The following GON4L variants were observed in gnomAD, a reference collection of about 807,000 sequenced individuals.
The protein encoded by GON4L is GON-4-like protein.
In GON4L, 87 loss-of-function variants were observed where a neutral mutation model predicts 211.8. The ratio of observed to expected loss-of-function variants is 0.41; its 90% CI spans 0.35 to 0.49. The LOEUF (loss-of-function observed/expected upper bound fraction) is 0.49. Ranked by LOEUF, GON4L falls within the 20% of genes least tolerant of loss-of-function variation. GON4L has a pLI of 0.15. For missense variants in GON4L, 2,155 were observed against 2,659.5 expected, an observed-to-expected ratio of 0.81 and a Z score of 4.17; for synonymous variants, 875 against 962.6, an observed-to-expected ratio of 0.91 and a Z score of 1.68.
At chr1:155,820,817 C>T (rs1486569723) in intron 5 of GON4L, among the ~76,000 whole-genome samples, 161 bp from the exon 6 acceptor site, 1 of 151,952 alleles carries the variant, frequency 6.6e-6, no homozygotes, top group African/African-American at 2.4e-5. Flanking sequence ...ACCCTCCCTA[C>T]AAAAAAATTG....
intron 3 of GON4L, among the ~76,000 whole-genome samples, chr1:155,826,322 T>C (rs1669213599): frequency 6.6e-6 from 1 of 152,110 alleles, no homozygotes; most frequent in Non-Finnish European, 1.5e-5. Flanking sequence ...CCCAGCACTT[T>C]GTGAAGCCAA....
At chr1:155,770,982 T>C in intron 19 of GON4L, 85 bp downstream of exon 19, 1 of 1,563,608 alleles carries the variant, frequency 6.4e-7, no homozygotes, top group Non-Finnish European at 8.8e-7. Context: ...TAAAAGAAGG[T>C]TCCTCTTTTC....
intron 2 of GON4L, among the ~76,000 whole-genome samples, chr1:155,839,153 A>C (rs1195316170): frequency 1.3e-5 from 2 of 152,210 alleles, no homozygotes; most frequent in Non-Finnish European, 2.9e-5. Flanking sequence ...GGTTATTTAT[A>C]TAACCAGGTA....
In GON4L at chr1:155,766,674, G is replaced by A. The variant is rs1662527903; in HGVS notation, c.2799C>T (p.His933=). ...SLPSIQEELR[H]MADGAREVGN... ...CTACCTCTCTAGCACCATCAGCCAT[G>A]TGCCGCAGTTCTTCCTGGATGGATG... Residue 933 remains histidine (H), a synonymous_variant, in exon 21 of 32, where the codon CAC becomes CAT. Transcript: ENST00000368331. 5 of 1,614,198 alleles carry A rather than the reference G, an allele frequency of 3.1e-6. No homozygotes were observed. In the African/African-American group the frequency reaches 4.0e-5, roughly 13 times the overall value.
rs772813109 is a variant in GON4L at position 155,815,802 on chromosome 1, G to T, written c.1161+3C>A. On this transcript the variant is annotated splice_donor_region_variant and intron_variant, in intron 8 of 31. Coordinates refer to ENST00000368331, the MANE Select transcript of GON4L (RefSeq NM_001282860.2). ...CAAATATTACCAACTAACATTCACT[G>T]ACCTCTTCAGCAGTTTCATCTTCTT... The T allele has an allele frequency of 1.6e-5, 24 of 1,531,132 alleles. No homozygotes were observed. The highest frequency in any genetic ancestry group is 2.0e-5 in the Non-Finnish European group (22 of 1,104,670). 94.8% of individuals were successfully genotyped at this position (1,531,132 alleles called of 1,614,324 possible).
intron 20 of GON4L, chr1:155,767,108 C>G (rs956225555): frequency 1.6e-6 from 1 of 643,350 alleles, no homozygotes; most frequent in Non-Finnish European, 2.6e-6. Context: ...GTTTTAGAGA[C>G]CTTAGACAGT....
In GON4L at chr1:155,757,442, ACT is replaced by A. The variant is rs1023539755; in HGVS notation, c.5254-121_5254-120del. ...CCAGTCAACTGGGAAACACACAGAG[ACT>A]CTGCCTGGTAACAAAGAATACTAAA... On this transcript the variant is annotated intron_variant, in intron 25 of 31. Coordinates refer to ENST00000368331, the MANE Select transcript of GON4L (RefSeq NM_001282860.2). 5 of 862,568 alleles carry A rather than the reference ACT, an allele frequency of 5.8e-6. No individual in the cohort carries two copies. In the African/African-American group the frequency reaches 8.4e-5, roughly 15 times the overall value. The allele number at this position is 862,568 out of a possible 1,614,324, so 53.4% of individuals were successfully genotyped here.
chr1:155,746,953 T>C, downstream of GON4L: 2 of 1,602,290 alleles, frequency 1.2e-6, no homozygotes, highest in South Asian at 2.2e-5. Flanking sequence ...GGGATTTTAA[T>C]CATTTTAAAT....
intron 13 of GON4L, 145 bp from the exon 14 acceptor site, chr1:155,784,234 C>A: frequency 8.8e-7 from 1 of 1,139,830 alleles, no homozygotes; most frequent in South Asian, 1.4e-5. Context: ...AACTTTCTCA[C>A]TTCAGGATTC....
intron 2 of GON4L, among the ~76,000 whole-genome samples, chr1:155,843,990 G>C (rs1255539716): frequency 6.6e-6 from 1 of 152,170 alleles, no homozygotes; most frequent in African/African-American, 2.4e-5. Context: ...TCAAAAACTT[G>C]AAACACCAGT....
chr1:155,807,284 C>T (rs961205157), intron 10 of GON4L, among the ~76,000 whole-genome samples: 1 of 152,030 alleles, frequency 6.6e-6, no homozygotes, highest in Non-Finnish European at 1.5e-5. Context: ...CCTGTAGTTC[C>T]AGCTATGCAA....
chr1:155,802,182 A>C (rs1666730099), intron 11 of GON4L, among the ~76,000 whole-genome samples: 1 of 152,160 alleles, frequency 6.6e-6, no homozygotes, highest in Non-Finnish European at 1.5e-5. Flanking sequence ...CCAAACTTGA[A>C]CCTTGGTGTC....
chr1:155,808,924 A>T (rs1035054744), intron 10 of GON4L, among the ~76,000 whole-genome samples: 4 of 151,604 alleles, frequency 2.6e-5, no homozygotes, highest in Non-Finnish European at 4.4e-5. Flanking sequence ...GTTTTTTAAA[A>T]TTTTTTTTAA....
At chr1:155,788,120 T>C (rs1045956134) in intron 12 of GON4L, among the ~76,000 whole-genome samples, 2 of 152,140 alleles carry the variant, frequency 1.3e-5, no homozygotes, top group South Asian at 2.1e-4. Flanking sequence ...GCCTCATAAG[T>C]AGCTGGGACT....
At chr1:155,851,800 C>G (rs1189510288) in intron 2 of GON4L, among the ~76,000 whole-genome samples, 5 of 152,186 alleles carry the variant, frequency 3.3e-5, no homozygotes, top group African/African-American at 1.2e-4. Context: ...TATCACCTAC[C>G]TACAGGAAAA....
At position 155,765,630 on chromosome 1, in the gene GON4L, T is replaced by A. The variant is rs1662375828; in HGVS notation, c.3843A>T (p.Gly1281=). The change falls in exon 21 of 32, where the codon GGA becomes GGT. Residue 1281 remains glycine (G), a synonymous_variant. Coordinates refer to ENST00000368331, the MANE Select transcript of GON4L (RefSeq NM_001282860.2). ...AGCGACAGGCACTATTCTCTGACAA[T>A]CCTTCTTGGCACTCTGCATCTGCTA... ...PPLADAECQE[G]LSENSACRWT... is the part of the protein sequence containing the mutation. The A allele has an allele frequency of 2.5e-6, 4 of 1,614,052 alleles. No individual in the cohort carries two copies. Among genetic ancestry groups the A allele is most frequent in the African/African-American group, 1.3e-5 (1 of 74,918 alleles).
chr1:155,773,504 T>C (rs1327361878), intron 17 of GON4L: 3 of 389,494 alleles, frequency 7.7e-6, no homozygotes, highest in East Asian at 5.7e-5. Flanking sequence ...GTGCTAACAA[T>C]AGCGTATGCT....
Position 155,765,174 on chromosome 1 carries a change from A to G in GON4L, c.4299T>C (p.Asp1433=). 1 of 1,614,146 alleles carries G rather than the reference A, an allele frequency of 6.2e-7. No homozygotes were observed. The highest frequency in any genetic ancestry group is 8.5e-7 in the Non-Finnish European group (1 of 1,180,024). The change falls in exon 21 of 32, where the codon GAT becomes GAC. Residue 1433 remains aspartate, a synonymous_variant. Transcript: ENST00000368331. The part of the protein sequence containing the change: ...RLSSPPGKPE[D]SSSVDGQSVG... ...CTGACTGACCATCAACACTGGATGA[A>G]TCTTCTGGCTTCCCTGGGGGGCTAC...
intron 11 of GON4L, among the ~76,000 whole-genome samples, chr1:155,803,798 G>C (rs1210019214): frequency 6.6e-6 from 1 of 152,118 alleles, no homozygotes; most frequent in African/African-American, 2.4e-5. Context: ...GGAGAGTCCT[G>C]AAGTGTAGAC....
Sources: gnomAD v4.1 joint callset for allele counts (sites outside exome capture counted in the v4.1 genomes callset) on GRCh38, gnomAD v4.1.1 for gene constraint, MANE v1.5 for transcripts, NCBI Gene and HGNC (gene_info 2026-07-23, HGNC 2026-07-21) for gene names.